WDR49: variants seen among roughly 807,000 people sequenced by gnomAD.
WDR49 encodes cilia- and flagella-associated protein 337.
A neutral mutation model predicts 119.5 loss-of-function variants in WDR49; 107 were observed. The observed-to-expected ratio is 0.90, with a 90% CI of 0.77 to 1.05. The LOEUF (loss-of-function observed/expected upper bound fraction) is 1.05. WDR49 is among the 50% of genes least tolerant of loss of function. The pLI is 0.00. For synonymous variants in WDR49, 425 were observed against 418.8 expected, an observed-to-expected ratio of 1.01 and a Z score of -0.18; for missense variants, 1,240 against 1,220.5, an observed-to-expected ratio of 1.02 and a Z score of -0.24.
At chr3:167,624,955 C>A (rs1025044746) in intron 3 of WDR49, among the ~76,000 whole-genome samples, 1 of 152,026 alleles carries the variant, frequency 6.6e-6, no homozygotes, top group Non-Finnish European at 1.5e-5. Flanking sequence ...TCTTGGCAAC[C>A]CTGATTACAT....
chr3:167,540,764 C>T (rs1021665873), intron 10 of WDR49, among the ~76,000 whole-genome samples: 10 of 151,672 alleles, frequency 6.6e-5, no homozygotes, highest in African/African-American at 2.4e-4. Flanking sequence ...CAGGATATAC[C>T]AGAGAAAACT....
chr3:167,496,929 T>G (rs1037964543), intron 18 of WDR49, among the ~76,000 whole-genome samples: 1 of 151,472 alleles, frequency 6.6e-6, no homozygotes, highest in Non-Finnish European at 1.5e-5. Flanking sequence ...GAGGTAAATG[T>G]AAAACTCAGT....
chr3:167,602,734 A>C (rs1389905227), intron 6 of WDR49, among the ~76,000 whole-genome samples: 2 of 152,178 alleles, frequency 1.3e-5, no homozygotes, highest in East Asian at 1.9e-4. Context: ...ACAAATTATC[A>C]AGTAATCAAG....
chr3:167,595,907 G>C (rs527570491), intron 7 of WDR49, among the ~76,000 whole-genome samples: 1,600 of 149,888 alleles, frequency 0.011, 15 homozygotes, highest in Non-Finnish European at 0.016. Context: ...CACAGCAAAA[G>C]AAACTACCAT....
chr3:167,638,754 A>T (rs1451893231), intron 2 of WDR49, among the ~76,000 whole-genome samples: 2 of 151,580 alleles, frequency 1.3e-5, no homozygotes, highest in Non-Finnish European at 3.0e-5. Context: ...GTAGAATTTA[A>T]TTTTCATTTA....
chr3:167,500,244 T>C lies in WDR49; in HGVS notation c.2940A>G (p.Lys980=). Residue 980 remains lysine (K), a synonymous_variant, in exon 18 of 19, where the codon AAA becomes AAG. Transcript: ENST00000682715. ...GALEELPEVN[K]PAFLLDPEKY... The stretch of plus-strand genomic sequence containing the variant: ...TCTCAGGGTCTAGAAGGAAAGCAGG[T>C]TTATTCACTTCAGGCAGCTCTTCCA... 4 of 1,606,974 alleles carry C rather than the reference T, an allele frequency of 2.5e-6. No homozygotes were observed. The highest frequency in any genetic ancestry group is 3.4e-6 in the Non-Finnish European group (4 of 1,178,002).
At position 167,554,709 on chromosome 3, in the gene WDR49, C is replaced by G; in HGVS notation, c.1764G>C (p.Lys588Asn). The change falls in exon 10 of 19, where the codon AAG becomes AAC. Residue 588 changes from lysine (K) to asparagine (N), a missense_variant. Physicochemically the swap from Lys to Asn is moderately conservative, Grantham distance 94. Coordinates refer to ENST00000682715, the MANE Select transcript of WDR49 (RefSeq NM_001366157.1). Reference sequence around the variant, plus strand: ...TCTCCCAGCCTGTAACCAGTATTTTCTTCTTAAGAATGAGGATTTGTGAAA... The same window carrying G: ...TCTCCCAGCCTGTAACCAGTATTTTGTTCTTAAGAATGAGGATTTGTGAAA... Reference protein sequence around the residue: ...VDISQILILKKKILVTGWERY... With the variant: ...VDISQILILKNKILVTGWERY... 6.2e-7 allele frequency: 1 copy of G among 1,613,150 alleles called. No homozygotes were observed. Among genetic ancestry groups the G allele is most frequent in the South Asian group, 1.1e-5 (1 of 90,966 alleles).
At chr3:167,604,563 TA>T (rs1715951685) in intron 5 of WDR49, 95 bp from the exon 6 acceptor site, 5 of 1,257,280 alleles carry the variant, frequency 4.0e-6, no homozygotes, top group Non-Finnish European at 4.2e-6. Flanking sequence ...AGTTAAAAAT[TA>T]AACTCAAACT....
intron 18 of WDR49, among the ~76,000 whole-genome samples, chr3:167,485,472 C>G (rs1750884935): frequency 6.6e-6 from 1 of 151,930 alleles, no homozygotes; most frequent in African/African-American, 2.4e-5. Flanking sequence ...GGAAGCACAA[C>G]AAGATTTAGG....
At chr3:167,490,945 A>G (rs1465971037) in intron 18 of WDR49, among the ~76,000 whole-genome samples, 1 of 151,772 alleles carries the variant, frequency 6.6e-6, no homozygotes, top group Non-Finnish European at 1.5e-5. Context: ...TTTTTTCAAC[A>G]TTTAACTACA....
rs537075397 is a variant in WDR49, at chr3:167,581,501, C to T, written c.1276-5350G>A. Among the ~76,000 whole-genome samples the T allele has an allele frequency of 9.2e-5, 14 of 152,178 alleles. No homozygotes were observed. In the South Asian group the frequency reaches 1.9e-3, roughly 20 times the overall value. ...TATTCTAAAATAACAATATTTCAAA[C>T]GAATTAAAAAGGTACATTGTGAGGA... On this transcript the variant is annotated intron_variant, in intron 7 of 18. Coordinates refer to ENST00000682715, the MANE Select transcript of WDR49 (RefSeq NM_001366157.1).
At chr3:167,480,485 G>A (rs903231146) in intron 18 of WDR49, among the ~76,000 whole-genome samples, 6 of 151,916 alleles carry the variant, frequency 3.9e-5, no homozygotes, top group South Asian at 2.1e-4. Context: ...AACACAAAAC[G>A]AAACAAAAAC....
chr3:167,648,188 G>T (rs77171070), intron 2 of WDR49, among the ~76,000 whole-genome samples: 1 of 152,044 alleles, frequency 6.6e-6, no homozygotes, highest in East Asian at 1.9e-4. Flanking sequence ...AATTTATGCC[G>T]TGCCTATGTT....
chr3:167,588,442 G>C (rs1384661236), intron 7 of WDR49, among the ~76,000 whole-genome samples: 2 of 152,178 alleles, frequency 1.3e-5, no homozygotes, highest in Non-Finnish European at 2.9e-5. Flanking sequence ...ACGATATACT[G>C]ATTTCTTTTC....
chr3:167,636,628 C>T (rs1267464694), intron 2 of WDR49, among the ~76,000 whole-genome samples: 2 of 151,636 alleles, frequency 1.3e-5, no homozygotes, highest in Admixed American at 6.6e-5. Flanking sequence ...GAAGGGTCAC[C>T]TTTTCACTAC....
chr3:167,498,718 C>G (rs1751450559), intron 18 of WDR49, among the ~76,000 whole-genome samples: 6 of 152,164 alleles, frequency 3.9e-5, no homozygotes, highest in Admixed American at 3.3e-4. Flanking sequence ...GTGGTAATGA[C>G]TTTTAATTTC....
At chr3:167,556,655 G>A (rs1454459088) in intron 9 of WDR49, among the ~76,000 whole-genome samples, 1 of 152,166 alleles carries the variant, frequency 6.6e-6, no homozygotes, top group Non-Finnish European at 1.5e-5. Flanking sequence ...GGAGGCTGAG[G>A]CAGGCAGATC....
At chr3:167,549,154 C>T (rs951159253) in intron 10 of WDR49, among the ~76,000 whole-genome samples, 52 of 152,096 alleles carry the variant, frequency 3.4e-4, no homozygotes, top group South Asian at 4.1e-4. Context: ...AATAAACATA[C>T]GTGCGCATGT....
chr3:167,522,572 A>T, intron 15 of WDR49, 88 bp from the exon 16 acceptor site: 1 of 1,371,954 alleles, frequency 7.3e-7, no homozygotes, highest in South Asian at 1.4e-5. Context: ...TGGATTACTA[A>T]TTAAAGTCCT....
Sources: gnomAD v4.1 joint callset for allele counts (sites outside exome capture counted in the v4.1 genomes callset) on GRCh38, gnomAD v4.1.1 for gene constraint, MANE v1.5 for transcripts, NCBI Gene and HGNC (gene_info 2026-07-23, HGNC 2026-07-21) for gene names.